NOL10: variants seen among roughly 807,000 people sequenced by gnomAD.
The protein encoded by NOL10 is H_NH0074G24.1.
NOL10 carries 58 observed loss-of-function variants against 103.5 expected under a neutral mutation model. That is an observed-to-expected ratio of 0.56 (90% CI 0.45 to 0.70). The LOEUF (loss-of-function observed/expected upper bound fraction) is 0.70. Among genes scored for constraint, NOL10 ranks in the 30% least tolerant of loss-of-function variants. NOL10 has a pLI of 0.00. For missense variants in NOL10, 763 were observed against 807.3 expected (o/e 0.95, Z 0.67); for synonymous variants, 287 against 282.5 (o/e 1.02, Z -0.16).
intron 13 of NOL10, among the ~76,000 whole-genome samples, chr2:10,626,537 C>CA (rs201365058): frequency 4.0e-5 from 6 of 149,174 alleles, no homozygotes; most frequent in South Asian, 2.1e-4. Context: ...AAAACAAAAC[C>CA]AAAAAAAAAG....
intron 17 of NOL10, among the ~76,000 whole-genome samples, chr2:10,591,830 G>A (rs895546764): frequency 1.7e-4 from 26 of 151,908 alleles, no homozygotes; most frequent in Non-Finnish European, 3.1e-4. Context: ...ATGGTGAGAC[G>A]CTGTCTATAC....
chr2:10,652,014 G>A (rs1679496338), intron 12 of NOL10, among the ~76,000 whole-genome samples: 1 of 152,110 alleles, frequency 6.6e-6, no homozygotes, highest in South Asian at 2.1e-4. Flanking sequence ...GGCTGAGGCG[G>A]GCAGATCACG....
intron 13 of NOL10, among the ~76,000 whole-genome samples, chr2:10,621,454 T>C (rs1357821312): frequency 6.6e-6 from 1 of 152,018 alleles, no homozygotes; most frequent in Non-Finnish European, 1.5e-5. Flanking sequence ...ATTATCTGGG[T>C]GTGGTGGCAC....
chr2:10,652,336 G>T (rs1037534060), intron 12 of NOL10, among the ~76,000 whole-genome samples: 2 of 151,618 alleles, frequency 1.3e-5, no homozygotes, highest in African/African-American at 4.9e-5. Flanking sequence ...CACACCAGCT[G>T]GGTGACCAAC....
chr2:10,667,163 A>C lies in NOL10; in HGVS notation c.591+55T>G. On this transcript the variant is annotated intron_variant, in intron 8 of 20. Coordinates refer to ENST00000381685, the MANE Select transcript of NOL10 (RefSeq NM_024894.4). ...CAAGCAACTCAGTCTTTAAATAAAA[A>C]TTCCAATCAAATATAAAACAAATAT... The C allele has an allele frequency of 1.5e-6, 2 of 1,329,248 alleles. 1 individual carries two copies. The highest frequency in any genetic ancestry group is 2.5e-5 in the South Asian group (2 of 79,020). The allele number at this position is 1,329,248 out of a possible 1,614,324, so 82.3% of individuals were successfully genotyped here.
chr2:10,573,324 G>A (rs1674280170), intron 20 of NOL10, among the ~76,000 whole-genome samples: 1 of 152,140 alleles, frequency 6.6e-6, no homozygotes, highest in African/African-American at 2.4e-5. Context: ...CTCCAGAGTA[G>A]CTGGGACTAC....
chr2:10,626,630 C>T (rs1677483514), intron 13 of NOL10, among the ~76,000 whole-genome samples: 2 of 151,838 alleles, frequency 1.3e-5, no homozygotes, highest in African/African-American at 2.4e-5. Flanking sequence ...GGTTTAAGTC[C>T]GACTATATCT....
At chr2:10,590,085 T>G (rs939693572) in intron 17 of NOL10, among the ~76,000 whole-genome samples, 5 of 152,146 alleles carry the variant, frequency 3.3e-5, no homozygotes, top group African/African-American at 1.2e-4. Context: ...AAAAACACCT[T>G]TCAAGAAGAT....
chr2:10,631,965 C>T (rs1385271120), intron 13 of NOL10, among the ~76,000 whole-genome samples: 1 of 152,170 alleles, frequency 6.6e-6, no homozygotes, highest in African/African-American at 2.4e-5. Flanking sequence ...TTGCCCGCCT[C>T]GGCCTCCCAG....
At chr2:10,655,762 C>G (rs1309002608) in intron 11 of NOL10, among the ~76,000 whole-genome samples, 2 of 152,234 alleles carry the variant, frequency 1.3e-5, no homozygotes, top group African/African-American at 4.8e-5. Context: ...TCTGCCAGCT[C>G]TTGCATTTGT....
chr2:10,642,346 G>C (rs1216286181), intron 13 of NOL10, among the ~76,000 whole-genome samples: 1 of 152,200 alleles, frequency 6.6e-6, no homozygotes, highest in African/African-American at 2.4e-5. Context: ...GCCTGGCACA[G>C]GTAATGCAGG....
chr2:10,676,965 G>T (rs1302602036), intron 3 of NOL10, among the ~76,000 whole-genome samples: 2 of 149,568 alleles, frequency 1.3e-5, no homozygotes, highest in Non-Finnish European at 3.0e-5. Flanking sequence ...TTGAAATGGG[G>T]TCTTGCTCTG....
intron 12 of NOL10, among the ~76,000 whole-genome samples, chr2:10,652,293 C>A (rs1255811070): frequency 6.6e-6 from 1 of 150,838 alleles, no homozygotes; most frequent in Non-Finnish European, 1.5e-5. Context: ...GCACCAGAAA[C>A]AGGAAGGCTG....
At chr2:10,606,469 A>G (rs1481800935) in intron 14 of NOL10, among the ~76,000 whole-genome samples, 2 of 151,984 alleles carry the variant, frequency 1.3e-5, no homozygotes, top group Non-Finnish European at 2.9e-5. Context: ...ACCATGCTGC[A>G]TGGCAGTGCA....
rs1201389737 is a variant in NOL10 at position 10,663,004 on chromosome 2, A to G, written c.632T>C (p.Val211Ala). The G allele has an allele frequency of 6.2e-7, 1 of 1,613,818 alleles. No homozygotes were observed. The highest frequency in any genetic ancestry group is 2.2e-5 in the East Asian group (1 of 44,902). ...GTTTAAGGCGCAGTCTAACAGGCCA[A>G]CTCTGTTTCGAGTTCTTGGGTCCCA... ...ECWDPRTRNRVGLLDCALNSV... is the reference protein window; with the variant it reads ...ECWDPRTRNRAGLLDCALNSV... The change falls in exon 9 of 21, where the codon GTT becomes GCT. Residue 211 changes from valine (V) to alanine (A), a missense_variant. Val to Ala is a moderately conservative substitution (Grantham distance 64). Transcript: ENST00000381685.
At chr2:10,602,585 G>A (rs1283933120) in intron 16 of NOL10, among the ~76,000 whole-genome samples, 191 bp downstream of exon 16, 4 of 152,176 alleles carry the variant, frequency 2.6e-5, no homozygotes, top group Non-Finnish European at 5.9e-5. Flanking sequence ...TGCGAAAATT[G>A]TAAAGAGTTT....
intron 13 of NOL10, among the ~76,000 whole-genome samples, chr2:10,643,484 G>A (rs950826176): frequency 1.3e-5 from 2 of 151,996 alleles, no homozygotes; most frequent in African/African-American, 4.8e-5. Context: ...TTATGAAATC[G>A]TATTTCCTTG....
intron 19 of NOL10, among the ~76,000 whole-genome samples, chr2:10,586,597 C>T (rs1160968439): frequency 1.5e-5 from 2 of 136,224 alleles, no homozygotes; most frequent in South Asian, 2.2e-4. Context: ...CACCATTACT[C>T]GCCTCCCCTG....
At chr2:10,677,718 C>T (rs1469515595) in intron 3 of NOL10, among the ~76,000 whole-genome samples, 1 of 152,054 alleles carries the variant, frequency 6.6e-6, no homozygotes, top group East Asian at 1.9e-4. Flanking sequence ...AGTGATCCAC[C>T]CACCTCAGCC....
Sources: gnomAD v4.1 joint callset for allele counts (sites outside exome capture counted in the v4.1 genomes callset) on GRCh38, gnomAD v4.1.1 for gene constraint, MANE v1.5 for transcripts, NCBI Gene and HGNC (gene_info 2026-07-23, HGNC 2026-07-21) for gene names.